CDH4: variants seen among roughly 807,000 people sequenced by gnomAD.
The protein encoded by CDH4 is cadherin-4.
A neutral mutation model predicts 86.0 loss-of-function variants in CDH4; 33 were observed. The observed-to-expected ratio is 0.38, with a 90% CI of 0.29 to 0.51. The LOEUF is 0.51. Among genes scored for constraint, CDH4 ranks in the 20% least tolerant of loss-of-function variants. CDH4 has a pLI of 0.86. For synonymous variants in CDH4, 555 were observed against 549.4 expected, an observed-to-expected ratio of 1.01 and a Z score of -0.14; for missense variants, 1,114 against 1,307.4, an observed-to-expected ratio of 0.85 and a Z score of 2.28.
intron 4 of CDH4, among the ~76,000 whole-genome samples, chr20:61,818,035 C>A (rs957881523): frequency 2.7e-5 from 4 of 150,762 alleles, no homozygotes; most frequent in Non-Finnish European, 4.4e-5. Flanking sequence ...TTTTTCTTTT[C>A]TTTTCTTTTT....
chr20:61,773,274 T>A, intron 4 of CDH4, 92 bp downstream of exon 4: 1 of 1,279,990 alleles, frequency 7.8e-7, no homozygotes, highest in Non-Finnish European at 1.1e-6. Context: ...GGGTTCCGCG[T>A]TTGGTGTCTG....
rs1445765598 is a variant in CDH4 at position 61,510,551 on chromosome 20, G to C, written c.170-233012G>C. ...ACCACTGTCTACTGCCCCAGGAATG[G>C]CCCACGGGTGTCGGGGGTGATGACC... is the stretch of plus-strand genomic sequence containing the variant. On this transcript the variant is annotated intron_variant, in intron 2 of 15. Transcript: ENST00000614565. This position sits in a 1 kb window ranked among gnomAD's most constrained non-coding sequence, Gnocchi z 4.2. 6.6e-6 allele frequency among the ~76,000 whole-genome samples: 1 copy of C among 152,178 alleles called. No homozygotes were observed. Among genetic ancestry groups the C allele is most frequent in the Non-Finnish European group, 1.5e-5 (1 of 68,042 alleles).
At position 61,480,185 on chromosome 20, in the gene CDH4, T is replaced by C. The variant is rs1000232291; in HGVS notation, c.169+225248T>C. 9.9e-5 allele frequency among the ~76,000 whole-genome samples: 15 copies of C among 152,048 alleles called. No homozygotes were observed. The highest frequency in any genetic ancestry group is 3.4e-4 in the African/African-American group (14 of 41,350). On this transcript the variant is annotated intron_variant, in intron 2 of 15. Coordinates refer to ENST00000614565, the MANE Select transcript of CDH4 (RefSeq NM_001794.5). The surrounding 1 kb of genome is among the most constrained non-coding windows in gnomAD (Gnocchi z 5.2). ...TTGCTTTTTATTCTCATGGGCCCTA[T>C]TTTTTCCCCAACAGACTCCCAATCC...
intron 2 of CDH4, among the ~76,000 whole-genome samples, chr20:61,335,543 G>T (rs2084612366): frequency 6.6e-6 from 1 of 152,180 alleles, no homozygotes. Flanking sequence ...ACCAGCAGTT[G>T]TTCCTAATAA....
intron 4 of CDH4, among the ~76,000 whole-genome samples, chr20:61,828,450 G>T (rs372755287): frequency 1.4e-4 from 21 of 152,210 alleles, no homozygotes; most frequent in Admixed American, 3.3e-4. Flanking sequence ...TAGGACCAAC[G>T]ATCTGGTTTC....
chr20:61,456,062 A>C (rs1413735385), intron 2 of CDH4, among the ~76,000 whole-genome samples: 1 of 151,706 alleles, frequency 6.6e-6, no homozygotes, highest in Non-Finnish European at 1.5e-5. Context: ...AAGGAAAGAG[A>C]GAGGGATGGA....
intron 2 of CDH4, among the ~76,000 whole-genome samples, chr20:61,357,639 G>A (rs956923663): frequency 1.3e-5 from 2 of 152,256 alleles, no homozygotes; most frequent in Non-Finnish European, 2.9e-5. Flanking sequence ...GGATGGACAA[G>A]TGGTCATTGC....
chr20:61,385,754 A>G (rs994853064), intron 2 of CDH4, among the ~76,000 whole-genome samples: 1 of 152,130 alleles, frequency 6.6e-6, no homozygotes, highest in African/African-American at 2.4e-5. Context: ...ACCAACGGGA[A>G]TCACCATCTT....
At chr20:61,436,632 AG>A (rs1334323605) in intron 2 of CDH4, 3 of 152,292 alleles carry the variant, frequency 2.0e-5, no homozygotes, top group African/African-American at 7.2e-5. Flanking sequence ...AGCTCTGCTG[AG>A]CTTCAGTGTC....
intron 6 of CDH4, among the ~76,000 whole-genome samples, chr20:61,871,103 T>C (rs1188631991): frequency 6.6e-6 from 1 of 152,130 alleles, no homozygotes. Flanking sequence ...GAGCTCCTCA[T>C]ATCTTTCTGC....
intron 3 of CDH4, among the ~76,000 whole-genome samples, chr20:61,764,307 C>T (rs1048376937): frequency 1.3e-5 from 2 of 152,220 alleles, no homozygotes; most frequent in African/African-American, 4.8e-5. Flanking sequence ...TCCAGTCGAA[C>T]GGAAGTTGTC....
chr20:61,931,142 C>T (rs1173658555), intron 13 of CDH4, among the ~76,000 whole-genome samples: 2 of 152,264 alleles, frequency 1.3e-5, no homozygotes, highest in Non-Finnish European at 2.9e-5. Flanking sequence ...TCAACCCTCG[C>T]TCATCTTGTC....
chr20:61,631,301 A>G (rs1446813959), intron 2 of CDH4, among the ~76,000 whole-genome samples: 5 of 152,116 alleles, frequency 3.3e-5, no homozygotes, highest in Admixed American at 2.6e-4. Flanking sequence ...AAAACTATGG[A>G]CTGGAGCCAG....
intron 2 of CDH4, among the ~76,000 whole-genome samples, chr20:61,489,683 C>T (rs763436205): frequency 1.2e-4 from 19 of 152,244 alleles, no homozygotes; most frequent in Non-Finnish European, 2.8e-4. Flanking sequence ...GCTTTGCACG[C>T]ATTAAGCAAT....
Position 61,829,451 on chromosome 20 carries a change from C to T in CDH4, c.577-15217C>T, listed in dbSNP as rs531372599. Among the ~76,000 whole-genome samples, 7 of 152,298 alleles carry T rather than the reference C, an allele frequency of 4.6e-5. No homozygotes were observed. Among genetic ancestry groups the T allele is most frequent in the Admixed American group, 2.0e-4 (3 of 15,296 alleles). On this transcript the variant is annotated intron_variant, in intron 4 of 15. Coordinates refer to ENST00000614565, the MANE Select transcript of CDH4 (RefSeq NM_001794.5). This position sits in a 1 kb window ranked among gnomAD's most constrained non-coding sequence, Gnocchi z 4.2. ...TTTGGGGCTGTTGTCAGTGTGCTGC[C>T]GGGCACGTCTGTGTGCAAGGCTTTC...
rs1032792095 is a variant in CDH4 at position 61,616,810 on chromosome 20, C to T, written c.170-126753C>T. On this transcript the variant is annotated intron_variant, in intron 2 of 15. Transcript: ENST00000614565. ...GGCTGACCTTCCCACTCTGCAGGGA[C>T]GCAGGCCAGAAAACGCACCACTGCC... Among the ~76,000 whole-genome samples the T allele has an allele frequency of 3.9e-5, 6 of 152,194 alleles. 1 individual carries two copies. Among genetic ancestry groups the T allele is most frequent in the Non-Finnish European group, 5.9e-5 (4 of 68,030 alleles).
At chr20:61,307,121 T>C (rs1422029836) in intron 2 of CDH4, among the ~76,000 whole-genome samples, 2 of 151,730 alleles carry the variant, frequency 1.3e-5, no homozygotes, top group African/African-American at 4.8e-5. Context: ...GCTGCTGCCT[T>C]AGGAGGAATT....
intron 2 of CDH4, among the ~76,000 whole-genome samples, chr20:61,722,794 C>T (rs2088057967): frequency 6.6e-6 from 1 of 152,190 alleles, no homozygotes; most frequent in African/African-American, 2.4e-5. Flanking sequence ...CCAAGGAAAG[C>T]AGAAATTTTG....
At chr20:61,379,230 A>C (rs2084887406) in intron 2 of CDH4, among the ~76,000 whole-genome samples, 3 of 152,230 alleles carry the variant, frequency 2.0e-5, no homozygotes, top group Non-Finnish European at 1.5e-5. Context: ...GAAGGGTCTG[A>C]GGATGAGATA....
Sources: gnomAD v4.1 joint callset for allele counts (sites outside exome capture counted in the v4.1 genomes callset) on GRCh38, gnomAD v4.1.1 for gene constraint, Gnocchi (gnomAD v3.1) non-coding constraint, MANE v1.5 for transcripts, NCBI Gene and HGNC (gene_info 2026-07-23, HGNC 2026-07-21) for gene names.